The following COG3 variants were observed in gnomAD, a reference collection of about 807,000 sequenced individuals.
The protein encoded by COG3 is conserved oligomeric Golgi complex subunit 3.
A neutral mutation model predicts 114.1 loss-of-function variants in COG3; 32 were observed. The observed-to-expected ratio is 0.28, with a 90% CI of 0.21 to 0.38. COG3 has a LOEUF of 0.38. Among genes scored for constraint, COG3 ranks in the 10% least tolerant of loss-of-function variants. COG3 has a pLI of 1.00. For missense variants in COG3, 813 were observed against 973.2 expected, an observed-to-expected ratio of 0.84 and a Z score of 2.19; for synonymous variants, 352 against 365.7, an observed-to-expected ratio of 0.96 and a Z score of 0.43.
chr13:45,493,411 A>G lies in COG3; in HGVS notation c.1252A>G (p.Ile418Val). The G allele has an allele frequency of 6.2e-7, 1 of 1,613,216 alleles. No individual in the cohort carries two copies. The highest frequency in any genetic ancestry group is 2.2e-5 in the East Asian group (1 of 44,776). Residue 418 changes from isoleucine (I) to valine (V), a missense_variant, in exon 12 of 23, where the codon ATT (isoleucine) becomes GTT (valine). By Grantham distance (29) the Ile-to-Val change is conservative. Coordinates refer to ENST00000349995, the MANE Select transcript of COG3 (RefSeq NM_031431.4). Reference sequence around the variant, plus strand: ...CTTCAGGCCATTGATCATTCATGTTATTCACTTAGAGACTCTGTCGGAACT... The same window carrying G: ...CTTCAGGCCATTGATCATTCATGTTGTTCACTTAGAGACTCTGTCGGAACT... ...DVFRPLIIHV[I>V]HLETLSELCG...
In COG3 at chr13:45,490,954, C is replaced by A. The variant is rs1360129695; in HGVS notation, c.964C>A (p.Pro322Thr). Reference sequence around the variant, plus strand: ...AATAGAACTGCGGTCTGAAAAAATACCTGAGTGAGTACCTAGAAGTTAATC... The same window carrying A: ...AATAGAACTGCGGTCTGAAAAAATAACTGAGTGAGTACCTAGAAGTTAATC... ...EQIELRSEKI[P>T]EYQQLLNDIH... Residue 322 changes from proline to threonine, a missense_variant, in exon 9 of 23, where the codon CCT becomes ACT. Coordinates refer to ENST00000349995, the MANE Select transcript of COG3 (RefSeq NM_031431.4). 2 of 1,589,056 alleles carry A rather than the reference C, an allele frequency of 1.3e-6. No homozygotes were observed. Among genetic ancestry groups the A allele is most frequent in the Middle Eastern group, 1.7e-4 (1 of 5,998 alleles).
intron 22 of COG3, among the ~76,000 whole-genome samples, chr13:45,532,846 C>T (rs546745198): frequency 2.6e-5 from 4 of 152,106 alleles, no homozygotes; most frequent in South Asian, 2.1e-4. Flanking sequence ...CGTGAGCCAC[C>T]GTGCCTGGCC....
chr13:45,477,727 C>T lies in COG3; in HGVS notation c.322-1278C>T, dbSNP rs565528809. ...CTGCAAGCTCCACCTCCTGGGTTCACGCCATTCTCCTGTCTCAGCCTCCTG... is the reference window on the plus strand; with the variant it reads ...CTGCAAGCTCCACCTCCTGGGTTCATGCCATTCTCCTGTCTCAGCCTCCTG... On this transcript the variant is annotated intron_variant, in intron 2 of 22. Transcript: ENST00000349995. 1.3e-4 allele frequency among the ~76,000 whole-genome samples: 19 copies of T among 151,540 alleles called. No homozygotes were observed. In the South Asian group the frequency reaches 2.3e-3, roughly 18 times the overall value.
At chr13:45,467,109 G>A (rs1468415287) in intron 1 of COG3, among the ~76,000 whole-genome samples, 15 of 152,220 alleles carry the variant, frequency 9.9e-5, no homozygotes, top group African/African-American at 3.6e-4. Flanking sequence ...CCTTTCCAAG[G>A]AAGTGACAGC....
intron 6 of COG3, 90 bp from the exon 7 acceptor site, chr13:45,483,140 C>T (rs1886356336): frequency 5.8e-6 from 5 of 862,776 alleles, no homozygotes; most frequent in African/African-American, 3.4e-5. Context: ...TTATATATTG[C>T]TTTACATAGG....
chr13:45,522,834 T>C (rs1422801274), intron 19 of COG3, among the ~76,000 whole-genome samples: 1 of 152,188 alleles, frequency 6.6e-6, no homozygotes, highest in Non-Finnish European at 1.5e-5. Flanking sequence ...TAGAATTCCA[T>C]TGTACTAAAT....
chr13:45,500,094 GTA>G (rs3083326), intron 13 of COG3, among the ~76,000 whole-genome samples: 9,706 of 114,736 alleles, frequency 0.085, 372 homozygotes, highest in East Asian at 0.13. Flanking sequence ...GTGTGTGTGT[GTA>G]TATATATATA....
At chr13:45,513,252 T>TAATATATACATATAAATTATACATAC (rs1871107991) in intron 16 of COG3, among the ~76,000 whole-genome samples, 1 of 56,626 alleles carries the variant, frequency 1.8e-5, no homozygotes, top group African/African-American at 6.7e-5. Context: ...ATTATACATA[T>TAATATATACATATAAATTATACATAC]AATATATACA....
intron 2 of COG3, among the ~76,000 whole-genome samples, chr13:45,476,728 C>A (rs978964240): frequency 1.3e-5 from 2 of 151,928 alleles, no homozygotes; most frequent in Non-Finnish European, 2.9e-5. Context: ...CCCAAATATT[C>A]TTTTTATATT....
intron 17 of COG3, 150 bp downstream of exon 17, chr13:45,516,413 C>A: frequency 1.7e-6 from 1 of 581,734 alleles, no homozygotes; most frequent in Admixed American, 4.1e-5. Flanking sequence ...GCTGAGCTGT[C>A]ACCATGCTAA....
At position 45,492,238 on chromosome 13, in the gene COG3, C is replaced by G; in HGVS notation, c.1175C>G (p.Thr392Arg). ...QLYNEFFTKP[T>R]SKLDELLEKL... ...TACAATGAATTTTTCACAAAACCAA[C>G]ATCAAAATTAGAGTAGGTGGACATG... Residue 392 changes from threonine to arginine, a missense_variant, in exon 11 of 23, where the codon ACA becomes AGA. By Grantham distance (71) the Thr-to-Arg change is moderately conservative. Around this residue, in one of 2 missense-constraint regions of COG3, gnomAD observed 389 missense variants for 542.6 expected, o/e 0.72. Transcript: ENST00000349995. The G allele has an allele frequency of 6.2e-7, 1 of 1,600,172 alleles. No individual in the cohort carries two copies. Among genetic ancestry groups the G allele is most frequent in the Non-Finnish European group, 8.5e-7 (1 of 1,170,600 alleles).
chr13:45,514,318 G>A (rs1315922355), intron 16 of COG3, among the ~76,000 whole-genome samples: 2 of 152,060 alleles, frequency 1.3e-5, no homozygotes, highest in East Asian at 1.9e-4. Context: ...GTGCCACCAC[G>A]CCCAGCTAAT....
chr13:45,483,399 G>A (rs2137806139), intron 7 of COG3, 44 bp downstream of exon 7: 2 of 1,461,622 alleles, frequency 1.4e-6, no homozygotes, highest in East Asian at 2.5e-5. Context: ...TATTGTTGTT[G>A]TTTTGATTCA....
intron 1 of COG3, among the ~76,000 whole-genome samples, chr13:45,471,794 G>A (rs762468035): frequency 2.0e-5 from 3 of 151,684 alleles, no homozygotes; most frequent in East Asian, 3.9e-4. Context: ...GTGCAATGGC[G>A]CGATCTCGGC....
chr13:45,516,018 T>C, intron 16 of COG3, 125 bp from the exon 17 acceptor site: 1 of 639,888 alleles, frequency 1.6e-6, no homozygotes, highest in South Asian at 5.7e-5. Context: ...ATTGCACAAC[T>C]AAAGAGAATT....
At chr13:45,474,952 T>TCTG (rs56973515) in intron 1 of COG3, among the ~76,000 whole-genome samples, 4 of 151,754 alleles carry the variant, frequency 2.6e-5, no homozygotes, top group African/African-American at 4.9e-5. Flanking sequence ...AAACAGTCTG[T>TCTG]ATGTCTATAA....
At position 45,519,012 on chromosome 13, in the gene COG3, G is replaced by A. The variant is rs370174732; in HGVS notation, c.2072G>A (p.Arg691His). 46 of 1,614,006 alleles carry A rather than the reference G, an allele frequency of 2.9e-5. No homozygotes were observed. Among genetic ancestry groups the A allele is most frequent in the Non-Finnish European group, 3.5e-5 (41 of 1,179,998 alleles). The part of the protein sequence containing the change: ...HYLDSKKDVD[R>H]HLKSACEQFI... The stretch of plus-strand genomic sequence containing the variant: ...CTTGACTCTAAAAAAGACGTAGACC[G>A]TCATCTGAAATCGGCCTGTGAGCAG... The change falls in exon 19 of 23, where the codon CGT (arginine) becomes CAT (histidine). Residue 691 changes from arginine (R) to histidine (H), a missense_variant. Coordinates refer to ENST00000349995, the MANE Select transcript of COG3 (RefSeq NM_031431.4).
intron 13 of COG3, 34 bp downstream of exon 13, chr13:45,496,346 C>T (rs769321506): frequency 2.8e-6 from 4 of 1,438,744 alleles, no homozygotes; most frequent in Non-Finnish European, 3.7e-6. Context: ...CCGTCTGCCC[C>T]CACACAGCTT....
intron 1 of COG3, among the ~76,000 whole-genome samples, chr13:45,475,964 C>CAA (rs34930945): frequency 2.3e-5 from 2 of 88,448 alleles, no homozygotes; most frequent in African/African-American, 4.0e-5. Context: ...ACCCTGTCAC[C>CAA]AAAAAAAAAA....
Sources: allele counts gnomAD v4.1 joint callset (sites outside exome capture counted in the v4.1 genomes callset), GRCh38; gene constraint gnomAD v4.1.1; regional missense constraint gnomAD v4.1.1; transcripts MANE v1.5; gene names NCBI Gene and HGNC (gene_info 2026-07-23, HGNC 2026-07-21).